ZFHX3: variants seen among roughly 807,000 people sequenced by gnomAD.
ZFHX3 encodes the protein zinc finger homeobox 3, also known as zinc finger homeobox protein 3.
In ZFHX3, 42 loss-of-function variants were observed where a neutral mutation model predicts 279.1. The observed-to-expected ratio is 0.15, with a 90% CI of 0.12 to 0.19. The LOEUF (loss-of-function observed/expected upper bound fraction) is 0.19, where lower values mean the gene tolerates loss of function less well. Ranked by LOEUF, ZFHX3 falls within the 10% of genes least tolerant of loss-of-function variation. The probability of loss-of-function intolerance (pLI) is 1.00; values close to 1 mark genes in which losing one functional copy is unlikely to be tolerated. For missense variants in ZFHX3, 4,981 were observed against 4,754.0 expected (o/e 1.05, Z -1.40); for synonymous variants, 2,293 against 1,957.8 (o/e 1.17, Z -4.52).
chr16:73,886,933 C>G (rs1338652252), intron 1 of ZFHX3, among the ~76,000 whole-genome samples: 2 of 152,314 alleles, frequency 1.3e-5, no homozygotes, highest in Admixed American at 1.3e-4. Flanking sequence ...TTGCAACATA[C>G]TGTCCACATC....
chr16:73,634,135 C>A (rs984374690), intron 2 of ZFHX3, among the ~76,000 whole-genome samples: 1 of 151,862 alleles, frequency 6.6e-6, no homozygotes, highest in East Asian at 1.9e-4. Context: ...CATACATATA[C>A]ATACATAATT....
chr16:73,038,492 T>C (rs1244129932), intron 1 of ZFHX3, among the ~76,000 whole-genome samples: 2 of 152,226 alleles, frequency 1.3e-5, no homozygotes, highest in Admixed American at 1.3e-4. Flanking sequence ...CCATCCAATA[T>C]GACGGCCACA....
At position 72,905,211 on chromosome 16, in the gene ZFHX3, G is replaced by A. The variant is rs143033024; in HGVS notation, c.3217-15249C>T. Among the ~76,000 whole-genome samples, 39 of 152,210 alleles carry A rather than the reference G, an allele frequency of 2.6e-4. 1 individual carries two copies. The highest frequency in any genetic ancestry group is 9.4e-4 in the African/African-American group (39 of 41,476). ...TGTCCCTCAATGACTGAGATGGGAG[G>A]TTGGGGGCTGAAGAGAATAAAAATG... On this transcript the variant is annotated intron_variant, in intron 3 of 9. Coordinates refer to ENST00000268489, the MANE Select transcript of ZFHX3 (RefSeq NM_006885.4).
At chr16:72,921,604 A>T (rs374002908) in intron 3 of ZFHX3, among the ~76,000 whole-genome samples, 1 of 152,244 alleles carries the variant, frequency 6.6e-6, no homozygotes, top group African/African-American at 2.4e-5. Flanking sequence ...GGTGAGAAGC[A>T]TGATGGAGAC....
intron 2 of ZFHX3, among the ~76,000 whole-genome samples, chr16:73,671,949 T>G (rs2052908430): frequency 2.6e-5 from 4 of 151,964 alleles, no homozygotes; most frequent in Admixed American, 2.6e-4. Context: ...AATGGCCCAT[T>G]GAAGAGTGTC....
intron 5 of ZFHX3, among the ~76,000 whole-genome samples, chr16:73,217,860 C>T (rs1933014049): frequency 6.6e-6 from 1 of 151,944 alleles, no homozygotes; most frequent in Non-Finnish European, 1.5e-5. Flanking sequence ...GCACACTTCC[C>T]CCTGCTGGTG....
intron 5 of ZFHX3, among the ~76,000 whole-genome samples, chr16:73,196,049 A>C (rs56715034): frequency 0.016 from 2,412 of 152,288 alleles, 57 homozygotes; most frequent in African/African-American, 0.054. Flanking sequence ...AGAATGTGTA[A>C]AACACCAGAA....
intron 3 of ZFHX3, among the ~76,000 whole-genome samples, chr16:73,325,185 C>T (rs1234941974): frequency 6.6e-6 from 1 of 151,872 alleles, no homozygotes; most frequent in Non-Finnish European, 1.5e-5. Flanking sequence ...CAGGATGGTG[C>T]CATGAGGATG....
chr16:72,820,415 A>G (rs922301261), intron 5 of ZFHX3, among the ~76,000 whole-genome samples: 7 of 152,204 alleles, frequency 4.6e-5, no homozygotes, highest in Admixed American at 1.3e-4. Context: ...CCTCTGTGTC[A>G]GGTTTGCAAA....
Position 73,574,345 on chromosome 16 carries a change from G to GCCC in ZFHX3, c.-1547+105832_-1547+105834dup, listed in dbSNP as rs5817853. ...GGTGAAATTTTGTATCATTTCTTGG[G>GCCC]CCCCCCCCAGCATCCACTGAATCAG... On this transcript the variant is annotated intron_variant, in intron 2 of 17. Transcript: ENST00000641206. Among the ~76,000 whole-genome samples, 2 of 151,278 alleles carry GCCC rather than the reference G, an allele frequency of 1.3e-5. 1 individual carries two copies. Among genetic ancestry groups the GCCC allele is most frequent in the African/African-American group, 4.9e-5 (2 of 41,092 alleles).
intron 5 of ZFHX3, among the ~76,000 whole-genome samples, chr16:73,187,429 C>A (rs999241233): frequency 4.6e-5 from 7 of 151,782 alleles, no homozygotes; most frequent in Admixed American, 1.3e-4. Context: ...TAATCCCTGA[C>A]CCCCCTGCCC....
At chr16:73,441,719 T>C (rs1313794910) in intron 3 of ZFHX3, among the ~76,000 whole-genome samples, 1 of 152,144 alleles carries the variant, frequency 6.6e-6, no homozygotes, top group African/African-American at 2.4e-5. Flanking sequence ...ATCTTCTCCT[T>C]GGTTCAAATT....
intron 4 of ZFHX3, among the ~76,000 whole-genome samples, chr16:72,834,938 T>G (rs1350916138): frequency 2.6e-5 from 4 of 152,186 alleles, no homozygotes; most frequent in Admixed American, 2.6e-4. Context: ...AGTCCCTCTG[T>G]TCCTAACTCT....
At chr16:73,882,267 T>C (rs1241086475) in intron 1 of ZFHX3, among the ~76,000 whole-genome samples, 1 of 152,166 alleles carries the variant, frequency 6.6e-6, no homozygotes, top group East Asian at 1.9e-4. Flanking sequence ...GGTTTATTGC[T>C]TGGTAACCTC....
intron 3 of ZFHX3, among the ~76,000 whole-genome samples, chr16:72,936,309 T>C (rs1206382115): frequency 6.6e-6 from 1 of 152,206 alleles, no homozygotes; most frequent in East Asian, 1.9e-4. Flanking sequence ...TGGTTCAATA[T>C]TTATTGAGCT....
chr16:73,532,356 C>A (rs537735676), intron 2 of ZFHX3, among the ~76,000 whole-genome samples: 1 of 152,222 alleles, frequency 6.6e-6, no homozygotes, highest in East Asian at 1.9e-4. Flanking sequence ...CCATGTAAGA[C>A]CTTCCTTTGC....
chr16:73,264,866 A>T (rs1165475804), intron 4 of ZFHX3, among the ~76,000 whole-genome samples: 4 of 152,112 alleles, frequency 2.6e-5, no homozygotes, highest in Non-Finnish European at 4.4e-5. Context: ...CACTTAGAGT[A>T]ATAATCTCCA....
At chr16:72,914,710 G>A (rs1597373516) in intron 3 of ZFHX3, among the ~76,000 whole-genome samples, 1 of 152,188 alleles carries the variant, frequency 6.6e-6, no homozygotes, top group Middle Eastern at 3.5e-3. Flanking sequence ...ACATAGGCTA[G>A]GCTGGGTGCG....
At chr16:73,507,857 G>A (rs749275610) in intron 2 of ZFHX3, among the ~76,000 whole-genome samples, 24 of 152,070 alleles carry the variant, frequency 1.6e-4, no homozygotes, top group Admixed American at 5.2e-4. Context: ...CCAATCCTTG[G>A]ACACCCCGTC....
Sources: allele counts gnomAD v4.1 joint callset (sites outside exome capture counted in the v4.1 genomes callset), GRCh38; gene constraint gnomAD v4.1.1; transcripts MANE v1.5; gene names NCBI Gene and HGNC (gene_info 2026-07-23, HGNC 2026-07-21).